Variants in TRPV4 observed in about 807,000 individuals in gnomAD.
TRPV4 encodes transient receptor potential cation channel subfamily V member 4.
In TRPV4, 58 loss-of-function variants were observed where a neutral mutation model predicts 84.1. The ratio of observed to expected loss-of-function variants is 0.69; its 90% confidence interval spans 0.56 to 0.86. TRPV4 has a LOEUF of 0.86. Among genes scored for constraint, TRPV4 ranks in the 40% least tolerant of loss-of-function variants. The pLI is 0.00. For synonymous variants in TRPV4, 489 were observed against 500.9 expected (o/e 0.98, Z 0.32); for missense variants, 879 against 1,181.1 (o/e 0.74, Z 3.75).
rs1402924802 is a variant in TRPV4, at chr12:109,792,259, A to T, written c.1891+104T>A. 3.4e-6 allele frequency: 3 copies of T among 894,980 alleles called. No individual in the cohort carries two copies. The African/African-American group carries it at 5.2e-5, about 16-fold the overall frequency. 55.4% of individuals were successfully genotyped at this position (894,980 alleles called of 1,614,324 possible). A position where few individuals can be genotyped will look rare whatever the true frequency, so the allele number is the denominator to read the frequency against. Reference sequence around the variant, plus strand: ...ACTCCACCTCAAAAAAAAAAAAAAAAAAAAAAGAACTCAGCAAGGCTGCTA... The same window carrying T: ...ACTCCACCTCAAAAAAAAAAAAAAATAAAAAAGAACTCAGCAAGGCTGCTA... On this transcript the variant is annotated intron_variant, in intron 12 of 15. Coordinates refer to ENST00000261740, the MANE Select transcript of TRPV4 (RefSeq NM_021625.5).
Position 109,803,136 on chromosome 12 carries a change from A to G in TRPV4, c.567T>C (p.Ser189=). The G allele has an allele frequency of 6.2e-7, 1 of 1,614,022 alleles. No homozygotes were observed. The highest frequency in any genetic ancestry group is 8.5e-7 in the Non-Finnish European group (1 of 1,180,030). The change falls in exon 4 of 16, where the codon TCT becomes TCC. Residue 189 remains serine (S), a synonymous_variant. Transcript: ENST00000261740. ...RLTDEEFREP[S]TGKTCLPKAL... ...CCTTGGGCAGGCAGGTCTTCCCCGT[A>G]GATGGCTCTAGCAAGAGAGACACAC... is the stretch of plus-strand genomic sequence containing the variant.
At chr12:109,822,826 A>G (rs572054678) in intron 1 of TRPV4, among the ~76,000 whole-genome samples, 1 of 152,316 alleles carries the variant, frequency 6.6e-6, no homozygotes, top group East Asian at 1.9e-4. Flanking sequence ...CATGAGATAA[A>G]GCATGCAAAA....
At chr12:109,819,175 C>A (rs1891989384) in intron 1 of TRPV4, among the ~76,000 whole-genome samples, 1 of 152,278 alleles carries the variant, frequency 6.6e-6, no homozygotes, top group Non-Finnish European at 1.5e-5. Flanking sequence ...AGAGTTTACT[C>A]CCTGTTCTAA....
intron 5 of TRPV4, among the ~76,000 whole-genome samples, chr12:109,799,151 TTC>T (rs1368329276): frequency 5.1e-4 from 77 of 151,224 alleles, no homozygotes; most frequent in African/African-American, 1.8e-3. Flanking sequence ...AATGATGGAA[TTC>T]TTTTTTTTTT....
rs190188271 is a variant in TRPV4 at position 109,815,717 on chromosome 12, C to G, written c.-31-890G>C. On this transcript the variant is annotated intron_variant, in intron 1 of 15. Transcript: ENST00000261740. This position sits in a 1 kb window ranked among gnomAD's most constrained non-coding sequence, Gnocchi z 4.1. ...ATGGTTCGTTCCCAGGCTGTGGGTG[C>G]CAGGAGGCAGGAAATGTATCTGTCT... Among the ~76,000 whole-genome samples, 165 of 152,336 alleles carry G rather than the reference C, an allele frequency of 1.1e-3. No individual in the cohort carries two copies. Among genetic ancestry groups the G allele is most frequent in the Non-Finnish European group, 8.1e-4 (55 of 68,036 alleles).
At chr12:109,833,102 C>T (rs539952132) in intron 1 of TRPV4, among the ~76,000 whole-genome samples, 2 of 152,298 alleles carry the variant, frequency 1.3e-5, no homozygotes, top group East Asian at 1.9e-4. Context: ...AGACCTGCTA[C>T]CCCAGGCCCC....
In TRPV4 at chr12:109,796,461, C is replaced by T; in HGVS notation, c.1332+64G>A. 6.3e-7 allele frequency: 1 copy of T among 1,591,280 alleles called. No individual in the cohort carries two copies. Among genetic ancestry groups the T allele is most frequent in the Non-Finnish European group, 8.6e-7 (1 of 1,166,140 alleles). On this transcript the variant is annotated intron_variant, in intron 7 of 15. Coordinates refer to ENST00000261740, the MANE Select transcript of TRPV4 (RefSeq NM_021625.5). The surrounding 1 kb of genome is among the most constrained non-coding windows in gnomAD (Gnocchi z 4.2). ...TGTCTCCCCCAGCCCAGCCCCAGGG[C>T]CCTGTCCCTACTCCCAGCCCTGCCC...
intron 8 of TRPV4, 143 bp from the exon 9 acceptor site, chr12:109,794,165 C>A: frequency 1.7e-6 from 2 of 1,156,482 alleles, no homozygotes; most frequent in Non-Finnish European, 2.5e-6. Flanking sequence ...TTCCTCCTCC[C>A]AGCTCAGGGC....
At chr12:109,805,183 C>T (rs1402355510) in intron 3 of TRPV4, among the ~76,000 whole-genome samples, 1 of 152,268 alleles carries the variant, frequency 6.6e-6, no homozygotes, top group Non-Finnish European at 1.5e-5. Context: ...GTCTGCTTTG[C>T]TCACTATCAT....
rs574478689 is a variant in TRPV4 at position 109,805,011 on chromosome 12, C to T, written c.560-1868G>A. ...TCAGACTCTGCTCAAGTGTTACCTC[C>T]TCCAGGAAGCTCTCCTGGATTTTCC... On this transcript the variant is annotated intron_variant, in intron 3 of 15. Coordinates refer to ENST00000261740, the MANE Select transcript of TRPV4 (RefSeq NM_021625.5). Among the ~76,000 whole-genome samples, 4 of 152,348 alleles carry T rather than the reference C, an allele frequency of 2.6e-5. No individual in the cohort carries two copies. The South Asian group carries it at 8.3e-4, about 32-fold the overall frequency.
chr12:109,811,952 G>A (rs1407236447), intron 2 of TRPV4, among the ~76,000 whole-genome samples: 1 of 152,002 alleles, frequency 6.6e-6, no homozygotes, highest in Non-Finnish European at 1.5e-5. Context: ...ACATAGAAAG[G>A]ATACAGTTCA....
At chr12:109,828,372 A>G (rs1892324259) in intron 1 of TRPV4, among the ~76,000 whole-genome samples, 1 of 152,140 alleles carries the variant, frequency 6.6e-6, no homozygotes, top group Non-Finnish European at 1.5e-5. Flanking sequence ...ATGCTCAGGA[A>G]GGGGCTAGGG....
Position 109,783,752 on chromosome 12 carries a change from C to G in TRPV4, c.2485G>C (p.Val829Leu). Residue 829 changes from valine to leucine, a missense_variant, in exon 16 of 16, where the codon GTG (valine) becomes CTG (leucine). Physicochemically the swap from Val to Leu is conservative, Grantham distance 32. Transcript: ENST00000261740. The surrounding 1 kb of genome is among the most constrained non-coding windows in gnomAD (Gnocchi z 4.6). ...TTCGAGTTCTTGTTCAGTTCCACCA[C>G]GCGGGGTACCACCGAGGACCAGCGA... ...RDRWSSVVPR[V>L]VELNKNSNPD... 1.2e-6 allele frequency: 2 copies of G among 1,612,990 alleles called. No homozygotes were observed. Among genetic ancestry groups the G allele is most frequent in the Non-Finnish European group, 1.7e-6 (2 of 1,179,904 alleles).
In TRPV4 at chr12:109,793,864, G is replaced by A; in HGVS notation, c.1584+66C>T. 8.7e-7 allele frequency: 1 copy of A among 1,144,100 alleles called. No homozygotes were observed. The highest frequency in any genetic ancestry group is 1.3e-6 in the Non-Finnish European group (1 of 779,896). 70.9% of individuals were successfully genotyped at this position (1,144,100 alleles called of 1,614,324 possible). A position where few individuals can be genotyped will look rare whatever the true frequency, so the allele number is the denominator to read the frequency against. ...GAGAGAGAAGAGAAAAAGAGGGAGAGAAAAGAGGTGCAGGAAGAGAAGAGG... is the reference window on the plus strand; with the variant it reads ...GAGAGAGAAGAGAAAAAGAGGGAGAAAAAAGAGGTGCAGGAAGAGAAGAGG... On this transcript the variant is annotated intron_variant, in intron 9 of 15. Coordinates refer to ENST00000261740, the MANE Select transcript of TRPV4 (RefSeq NM_021625.5). This position sits in a 1 kb window ranked among gnomAD's most constrained non-coding sequence, Gnocchi z 4.0.
chr12:109,787,548 G>A (rs966122293), intron 13 of TRPV4, among the ~76,000 whole-genome samples: 7 of 152,162 alleles, frequency 4.6e-5, no homozygotes, highest in African/African-American at 1.7e-4. Flanking sequence ...AGGTTGCAGT[G>A]AGCCAAGATC....
intron 2 of TRPV4, 31 bp from the exon 3 acceptor site, chr12:109,808,499 A>G: frequency 6.2e-7 from 1 of 1,600,222 alleles, no homozygotes; most frequent in Non-Finnish European, 8.5e-7. Context: ...AGTTGATGGG[A>G]GGGCTCATCC....
At chr12:109,831,173 C>T (rs1892400190) in intron 1 of TRPV4, among the ~76,000 whole-genome samples, 1 of 152,212 alleles carries the variant, frequency 6.6e-6, no homozygotes, top group African/African-American at 2.4e-5. Flanking sequence ...TTTCTCTGCT[C>T]TATAAACCCC....
At chr12:109,791,257 C>T (rs564853832) in intron 12 of TRPV4, among the ~76,000 whole-genome samples, 102 of 152,158 alleles carry the variant, frequency 6.7e-4, no homozygotes, top group Non-Finnish European at 1.2e-3. Context: ...GTGGCACACG[C>T]CTGTAATCCC....
Position 109,798,513 on chromosome 12 carries a change from G to A in TRPV4, c.1152+101C>T. ...CACTGGGGTTGGCATGTTGGGAGGTGCATGCACGTATTAATAATGAATACC... is the reference window on the plus strand; with the variant it reads ...CACTGGGGTTGGCATGTTGGGAGGTACATGCACGTATTAATAATGAATACC... On this transcript the variant is annotated intron_variant, in intron 6 of 15. Coordinates refer to ENST00000261740, the MANE Select transcript of TRPV4 (RefSeq NM_021625.5). This position sits in a 1 kb window ranked among gnomAD's most constrained non-coding sequence, Gnocchi z 5.0. 7.0e-7 allele frequency: 1 copy of A among 1,432,108 alleles called. No homozygotes were observed. The highest frequency in any genetic ancestry group is 9.6e-7 in the Non-Finnish European group (1 of 1,043,954). The allele number at this position is 1,432,108 out of a possible 1,614,324, so 88.7% of individuals were successfully genotyped here.
Sources: gnomAD v4.1 joint callset for allele counts (sites outside exome capture counted in the v4.1 genomes callset) on GRCh38, gnomAD v4.1.1 for gene constraint, Gnocchi (gnomAD v3.1) non-coding constraint, MANE v1.5 for transcripts, NCBI Gene and HGNC (gene_info 2026-07-23, HGNC 2026-07-21) for gene names.